ESYT1: variants seen among roughly 807,000 people sequenced by gnomAD.
ESYT1 encodes the protein extended synaptotagmin-1.
A neutral mutation model predicts 154.2 loss-of-function variants in ESYT1; 116 were observed. The ratio of observed to expected loss-of-function variants is 0.75; its 90% CI spans 0.65 to 0.88. The LOEUF (loss-of-function observed/expected upper bound fraction) is 0.88, where lower values mean the gene tolerates loss of function less well. Among genes scored for constraint, ESYT1 ranks in the 40% least tolerant of loss-of-function variants. The probability of loss-of-function intolerance (pLI) is 0.00; values close to 1 mark genes in which losing one functional copy is unlikely to be tolerated. For missense variants in ESYT1, 1,264 were observed against 1,379.3 expected, an observed-to-expected ratio of 0.92 and a Z score of 1.32; for synonymous variants, 500 against 539.9, an observed-to-expected ratio of 0.93 and a Z score of 1.02.
chr12:56,134,490 C>A lies in ESYT1; in HGVS notation c.1632+62C>A. On this transcript the variant is annotated intron_variant, in intron 15 of 30. Transcript: ENST00000394048. ...CTATTCTGACTTCCCAGATCTGTACCATTTCTCCTCTCCTTCTTTTCCCTT... is the reference window on the plus strand; with the variant it reads ...CTATTCTGACTTCCCAGATCTGTACAATTTCTCCTCTCCTTCTTTTCCCTT... The A allele has an allele frequency of 7.4e-6, 10 of 1,353,290 alleles. No homozygotes were observed. In the Admixed American group the frequency reaches 1.7e-4, roughly 23 times the overall value. 83.8% of individuals were successfully genotyped at this position (1,353,290 alleles called of 1,614,324 possible).
intron 15 of ESYT1, among the ~76,000 whole-genome samples, chr12:56,135,384 C>CT (rs1308469921): frequency 2.6e-5 from 4 of 151,032 alleles, no homozygotes; most frequent in African/African-American, 9.7e-5. Flanking sequence ...GTTGGTCAGG[C>CT]TGGTCTCGAA....
chr12:56,129,777 A>G (rs985712954), intron 1 of ESYT1, among the ~76,000 whole-genome samples: 3 of 152,050 alleles, frequency 2.0e-5, no homozygotes, highest in African/African-American at 7.2e-5. Context: ...AAACACACAC[A>G]CACACCCCAA....
In ESYT1 at chr12:56,128,635, A is replaced by C; in HGVS notation, c.316A>C (p.Arg106=). 6.2e-7 allele frequency: 1 copy of C among 1,614,192 alleles called. No individual in the cohort carries two copies. The highest frequency in any genetic ancestry group is 8.5e-7 in the Non-Finnish European group (1 of 1,180,020). ...GAAAGAACGGAGCCTTCGAGCAGCG[A>C]GGCAGCTACTGGACGACGAGGAGCA... The part of the protein sequence containing the change: ...DEKERSLRAA[R]QLLDDEEQLT... The change falls in exon 1 of 31, where the codon AGG becomes CGG. Residue 106 remains arginine, a synonymous_variant. Coordinates refer to ENST00000394048, the MANE Select transcript of ESYT1 (RefSeq NM_015292.3).
At position 56,134,195 on chromosome 12, in the gene ESYT1, C is replaced by T. The variant is rs1053942560; in HGVS notation, c.1545+14C>T. ...CAGGAGAGCAAGGTGAGGGCCAGGA[C>T]ATCATTGTGGGTGGCCAGGTAGGAC... On this transcript the variant is annotated intron_variant, in intron 14 of 30. Coordinates refer to ENST00000394048, the MANE Select transcript of ESYT1 (RefSeq NM_015292.3). 1.2e-6 allele frequency: 2 copies of T among 1,612,846 alleles called. No homozygotes were observed. The highest frequency in any genetic ancestry group is 1.7e-5 in the Admixed American group (1 of 60,016).
chr12:56,138,277 G>A lies in ESYT1; in HGVS notation c.2337+5G>A, dbSNP rs1278902111. ...ACTGCTGCTGAGTTAGAGGAGGTAG[G>A]GCAGGAGACTTGAGGAAGGAAGGGA... On this transcript the variant is annotated splice_donor_5th_base_variant and intron_variant, in intron 21 of 30. Transcript: ENST00000394048. 8 of 1,614,038 alleles carry A rather than the reference G, an allele frequency of 5.0e-6. No homozygotes were observed. Among genetic ancestry groups the A allele is most frequent in the Non-Finnish European group, 5.9e-6 (7 of 1,180,016 alleles).
At position 56,143,495 on chromosome 12, in the gene ESYT1, G is replaced by T. The variant is rs79317577; in HGVS notation, c.3226-85G>T. ...GTGATGAAGGAACATGGTCTTTGGA[G>T]ATTTCAAAACAGCATCATCAGAATG... On this transcript the variant is annotated intron_variant, in intron 29 of 30. Coordinates refer to ENST00000394048, the MANE Select transcript of ESYT1 (RefSeq NM_015292.3). The T allele has an allele frequency of 2.5e-3, 4,020 of 1,580,790 alleles. 75 individuals are homozygous for T. The African/African-American group carries it at 0.041, about 16-fold the overall frequency.
In ESYT1 at chr12:56,131,495, G is replaced by T. The variant is rs779500227; in HGVS notation, c.733G>T (p.Val245Leu). ...GCCTCAGCTACATGGCGTTTTGCGG[G>T]TGATACTGGAGCCACTCATTGGGGA... ...KGMQLHGVLRVILEPLIGDLP... is the reference protein window; with the variant it reads ...KGMQLHGVLRLILEPLIGDLP... Residue 245 changes from valine to leucine, a missense_variant, in exon 6 of 31, where the codon GTG becomes TTG. By Grantham distance (32) the Val-to-Leu change is conservative. Transcript: ENST00000394048. The T allele has an allele frequency of 1.2e-6, 2 of 1,614,182 alleles. No homozygotes were observed. The highest frequency in any genetic ancestry group is 3.3e-5 in the Admixed American group (2 of 60,026).
rs754452334 is a variant in ESYT1, at chr12:56,142,760, C to T, written c.2888+28C>T. The T allele has an allele frequency of 1.7e-5, 27 of 1,613,030 alleles. No individual in the cohort carries two copies. The East Asian group carries it at 3.8e-4, about 23-fold the overall frequency. ...AAAGGGCTGGGACAGGAAGGTGGGA[C>T]GCAGTCAGAAATAAAAAGTATTACA... is the stretch of plus-strand genomic sequence containing the variant. On this transcript the variant is annotated intron_variant, in intron 26 of 30. Transcript: ENST00000394048. This position sits in a 1 kb window ranked among gnomAD's most constrained non-coding sequence, Gnocchi z 4.1.
At chr12:56,139,883 C>T (rs1870622026) in intron 24 of ESYT1, among the ~76,000 whole-genome samples, 1 of 151,132 alleles carries the variant, frequency 6.6e-6, no homozygotes, top group South Asian at 2.1e-4. Context: ...CCACTGCACC[C>T]GGCCTTTTTT....
Position 56,132,333 on chromosome 12 carries a change from G to A in ESYT1, c.984+1G>A. 1 of 1,614,088 alleles carries A rather than the reference G, an allele frequency of 6.2e-7. No homozygotes were observed. ...TCAGTTGCGTTCCCCTCTGCCCAGG[G>A]TATGGCCTTTCCCCCACTAGATAGA... is the stretch of plus-strand genomic sequence containing the variant. On this transcript the variant is annotated splice_donor_variant, in intron 8 of 30. Transcript: ENST00000394048. LOFTEE classifies it high-confidence loss of function.
At position 56,132,189 on chromosome 12, in the gene ESYT1, C is replaced by T; in HGVS notation, c.861-20C>T. The T allele has an allele frequency of 6.2e-7, 1 of 1,614,132 alleles. No individual in the cohort carries two copies. Among genetic ancestry groups the T allele is most frequent in the Non-Finnish European group, 8.5e-7 (1 of 1,180,020 alleles). On this transcript the variant is annotated intron_variant, in intron 7 of 30. Coordinates refer to ENST00000394048, the MANE Select transcript of ESYT1 (RefSeq NM_015292.3). ...TTGGAAGTTGAGGCCATACCCACTC[C>T]TTTCTACTCCCCCATTCAGCTCACT...
Position 56,142,250 on chromosome 12 carries a change from AT to A in ESYT1, c.2593-33del, listed in dbSNP as rs758574601. 1.5e-5 allele frequency: 24 copies of A among 1,610,038 alleles called. No individual in the cohort carries two copies. The East Asian group carries it at 5.1e-4, about 34-fold the overall frequency. Reference sequence around the variant, plus strand: ...CCAGGATTAACTCATTTGTTGATGCATTCGCCTCTTGATCATGGTCCTGTTG... The same window carrying A: ...CCAGGATTAACTCATTTGTTGATGCATCGCCTCTTGATCATGGTCCTGTTG... On this transcript the variant is annotated intron_variant, in intron 24 of 30. Transcript: ENST00000394048. The surrounding 1 kb of genome is among the most constrained non-coding windows in gnomAD (Gnocchi z 4.1).
At chr12:56,143,485 G>A (rs922803914) in intron 29 of ESYT1, 95 bp from the exon 30 acceptor site, 3 of 1,555,920 alleles carry the variant, frequency 1.9e-6, no homozygotes, top group Admixed American at 1.7e-5. Flanking sequence ...GAAGGAACAT[G>A]GTCTTTGGAG....
intron 30 of ESYT1, 29 bp from the exon 31 acceptor site, chr12:56,143,791 GTCA>G: frequency 6.2e-7 from 1 of 1,614,050 alleles, no homozygotes; most frequent in Middle Eastern, 1.6e-4. Flanking sequence ...TGACACAAGA[GTCA>G]TCTTTCTACA....
rs1418002174 is a variant in ESYT1, at chr12:56,142,327, C to T, written c.2635C>T (p.Pro879Ser). The T allele has an allele frequency of 6.2e-7, 1 of 1,614,152 alleles. No individual in the cohort carries two copies. Among genetic ancestry groups the T allele is most frequent in the South Asian group, 1.1e-5 (1 of 91,086 alleles). ...GTGVLGSLSL[P>S]LSELLVADQL... ...TGGCGTGCTGGGCTCATTATCCCTGCCCCTCTCAGAGCTCCTCGTGGCTGA... is the reference window on the plus strand; with the variant it reads ...TGGCGTGCTGGGCTCATTATCCCTGTCCCTCTCAGAGCTCCTCGTGGCTGA... Residue 879 changes from proline to serine, a missense_variant, in exon 25 of 31, where the codon CCC becomes TCC. Coordinates refer to ENST00000394048, the MANE Select transcript of ESYT1 (RefSeq NM_015292.3). The surrounding 1 kb of genome is among the most constrained non-coding windows in gnomAD (Gnocchi z 4.1).
Position 56,143,577 on chromosome 12 carries a change from C to T in ESYT1, c.3226-3C>T. The stretch of plus-strand genomic sequence containing the variant: ...ATCTTTCCCCTATCATCTTCCAACA[C>T]AGGTGCAGCTGGACCTAGCTGAGAC... On this transcript the variant is annotated splice_region_variant and splice_polypyrimidine_tract_variant and intron_variant, in intron 29 of 30. Coordinates refer to ENST00000394048, the MANE Select transcript of ESYT1 (RefSeq NM_015292.3). The T allele has an allele frequency of 6.2e-7, 1 of 1,614,148 alleles. No individual in the cohort carries two copies. The highest frequency in any genetic ancestry group is 8.5e-7 in the Non-Finnish European group (1 of 1,180,026).
chr12:56,131,758 A>T lies in ESYT1; in HGVS notation c.814A>T (p.Ile272Phe), dbSNP rs767497538. Residue 272 changes from isoleucine to phenylalanine, a missense_variant, in exon 7 of 31, where the codon ATC becomes TTC. By Grantham distance (21) the Ile-to-Phe change is conservative (BLOSUM62 0). Coordinates refer to ENST00000394048, the MANE Select transcript of ESYT1 (RefSeq NM_015292.3). ...MFFIRRPTLD[I>F]NWTGMTNLLD... ...TGCTCTTTCCCTCCAGACCCTAGAC[A>T]TCAACTGGACAGGGATGACCAACCT... The T allele has an allele frequency of 4.3e-6, 7 of 1,614,154 alleles. No individual in the cohort carries two copies. The Admixed American group carries it at 1.2e-4, about 27-fold the overall frequency.
rs1235338323 is a variant in ESYT1 at position 56,131,949 on chromosome 12, T to C, written c.860+145T>C. On this transcript the variant is annotated intron_variant, in intron 7 of 30. Coordinates refer to ENST00000394048, the MANE Select transcript of ESYT1 (RefSeq NM_015292.3). ...GCAAAGACAAATACCCCTGCAAAGT[T>C]TGATACTGTGATTTTTCTTTGGGTT... is the stretch of plus-strand genomic sequence containing the variant. 12 of 1,030,090 alleles carry C rather than the reference T, an allele frequency of 1.2e-5. No individual in the cohort carries two copies. The East Asian group carries it at 3.0e-4, about 26-fold the overall frequency. 63.8% of individuals were successfully genotyped at this position (1,030,090 alleles called of 1,614,324 possible).
chr12:56,132,355 T>G, intron 8 of ESYT1, 23 bp downstream of exon 8: 2 of 1,614,158 alleles, frequency 1.2e-6, no homozygotes, highest in Non-Finnish European at 1.7e-6. Flanking sequence ...CCCCACTAGA[T>G]AGATCCTTCT....
Sources: allele counts gnomAD v4.1 joint callset (sites outside exome capture counted in the v4.1 genomes callset), GRCh38; gene constraint gnomAD v4.1.1; non-coding constraint Gnocchi (gnomAD v3.1); transcripts MANE v1.5; gene names NCBI Gene and HGNC (gene_info 2026-07-23, HGNC 2026-07-21).